Variants in PPP1R12B observed in about 807,000 individuals in gnomAD.
PPP1R12B encodes the protein protein phosphatase 1 regulatory subunit 12B.
PPP1R12B carries 76 observed loss-of-function variants against 126.1 expected under a neutral mutation model. The observed-to-expected ratio is 0.60, with a 90% CI of 0.50 to 0.73. The LOEUF is 0.73. PPP1R12B is among the 30% of genes least tolerant of loss of function. The pLI is 0.00. For missense variants in PPP1R12B, 1,052 were observed against 1,205.1 expected (o/e 0.87, Z 1.88); for synonymous variants, 356 against 434.7 (o/e 0.82, Z 2.25).
At chr1:202,525,767 G>A (rs1408798843) in intron 18 of PPP1R12B, among the ~76,000 whole-genome samples, 1 of 152,010 alleles carries the variant, frequency 6.6e-6, no homozygotes, top group African/African-American at 2.4e-5. Flanking sequence ...GTGCAATCTT[G>A]GCTTACTGCA....
chr1:202,417,801 A>G (rs550175282), intron 2 of PPP1R12B, among the ~76,000 whole-genome samples: 2 of 152,214 alleles, frequency 1.3e-5, no homozygotes, highest in Non-Finnish European at 2.9e-5. Flanking sequence ...TCTCCTGTCC[A>G]GGAAACAGCA....
intron 18 of PPP1R12B, among the ~76,000 whole-genome samples, chr1:202,553,538 C>G (rs1474315913): frequency 1.3e-5 from 2 of 152,142 alleles, no homozygotes. Flanking sequence ...ATGATATCAT[C>G]ATGTGCAGAT....
intron 1 of PPP1R12B, among the ~76,000 whole-genome samples, chr1:202,388,561 G>A (rs1326541960): frequency 6.6e-6 from 1 of 151,906 alleles, no homozygotes. Flanking sequence ...ATGAAAGAAG[G>A]CCTAAATAAG....
intron 1 of PPP1R12B, among the ~76,000 whole-genome samples, chr1:202,379,026 C>T (rs1228380314): frequency 1.3e-5 from 2 of 152,136 alleles, no homozygotes; most frequent in Non-Finnish European, 2.9e-5. Context: ...CTCCCATGGC[C>T]TCATCCCTCA....
At chr1:202,409,755 C>T (rs756687463) in intron 1 of PPP1R12B, among the ~76,000 whole-genome samples, 3 of 152,122 alleles carry the variant, frequency 2.0e-5, no homozygotes, top group Non-Finnish European at 4.4e-5. Context: ...CCTTGATCAC[C>T]TGGGCTCAAG....
chr1:202,575,431 G>C (rs1200007083), intron 23 of PPP1R12B: 1 of 356,180 alleles, frequency 2.8e-6, no homozygotes, highest in Non-Finnish European at 5.2e-6. Flanking sequence ...GTATGAATTT[G>C]TTCACTCAGC....
intron 1 of PPP1R12B, among the ~76,000 whole-genome samples, chr1:202,388,652 A>T (rs555201962): frequency 1.3e-3 from 195 of 152,310 alleles, no homozygotes; most frequent in Non-Finnish European, 2.2e-3. Flanking sequence ...TAACTACCTC[A>T]TAGAATTGTT....
chr1:202,520,294 A>G (rs2148913686), intron 18 of PPP1R12B, among the ~76,000 whole-genome samples: 1 of 152,350 alleles, frequency 6.6e-6, no homozygotes, highest in Admixed American at 6.5e-5. Context: ...GAACTAGAAC[A>G]TTTCTGAATT....
chr1:202,549,714 G>A (rs777076737), intron 18 of PPP1R12B, among the ~76,000 whole-genome samples: 23 of 152,152 alleles, frequency 1.5e-4, no homozygotes, highest in South Asian at 8.3e-4. Context: ...CACCGTGCCC[G>A]GCCAACTTTC....
intron 13 of PPP1R12B, among the ~76,000 whole-genome samples, chr1:202,463,915 GGT>G (rs995068866): frequency 5.9e-5 from 9 of 152,010 alleles, no homozygotes; most frequent in Admixed American, 3.3e-4. Flanking sequence ...TCTTCTTCCT[GGT>G]AATTGCGTCA....
chr1:202,416,962 T>G (rs1264575874), intron 2 of PPP1R12B, 45 bp downstream of exon 2: 1 of 1,570,452 alleles, frequency 6.4e-7, no homozygotes, highest in Admixed American at 1.8e-5. Context: ...TTTGTAGGAA[T>G]AGCCTTCATT....
At chr1:202,373,807 AAC>A (rs1338213833) in intron 1 of PPP1R12B, among the ~76,000 whole-genome samples, 2 of 152,186 alleles carry the variant, frequency 1.3e-5, no homozygotes, top group African/African-American at 4.8e-5. Flanking sequence ...TGCAAAATTT[AAC>A]ACACAGAAAA....
At chr1:202,571,928 C>G (rs1213418395) in intron 23 of PPP1R12B, among the ~76,000 whole-genome samples, 1 of 152,168 alleles carries the variant, frequency 6.6e-6, no homozygotes, top group Non-Finnish European at 1.5e-5. Context: ...CCAGCACCCC[C>G]TAGAGGACTA....
In PPP1R12B at chr1:202,440,750, G is replaced by A. The variant is rs1433192957; in HGVS notation, c.1503G>A (p.Lys501=). The A allele has an allele frequency of 1.2e-6, 2 of 1,614,010 alleles. No individual in the cohort carries two copies. Among genetic ancestry groups the A allele is most frequent in the Non-Finnish European group, 1.7e-6 (2 of 1,179,918 alleles). Residue 501 remains lysine, a synonymous_variant, in exon 11 of 24, where the codon AAG becomes AAA. Transcript: ENST00000608999. The part of the protein sequence containing the change: ...KSYISSLAPR[K]LNSTSDIEEK... ...ATATTAGTTCACTAGCACCCCGGAA[G>A]CTCAACAGCACAAGTGATATTGAAG...
At chr1:202,403,666 A>G (rs575689961) in intron 1 of PPP1R12B, among the ~76,000 whole-genome samples, 8 of 152,370 alleles carry the variant, frequency 5.3e-5, no homozygotes, top group African/African-American at 1.9e-4. Context: ...GGATTATTTA[A>G]TATGGAAAGG....
rs1358400939 is a variant in PPP1R12B, at chr1:202,586,208, TGCATAGAACA to T, written c.*5652_*5661del. 1 of 152,246 alleles carries T rather than the reference TGCATAGAACA, an allele frequency of 6.6e-6. No individual in the cohort carries two copies. The highest frequency in any genetic ancestry group is 2.4e-5 in the African/African-American group (1 of 41,434). 9.4% of individuals were successfully genotyped at this position (152,246 alleles called of 1,614,324 possible). Reference sequence around the variant, plus strand: ...AAACCCAGAGTCCACACAACCATATTGCATAGAACAGCACTTGGCTTTCACAAGCCTCCTA... The same window carrying T: ...AAACCCAGAGTCCACACAACCATATTGCACTTGGCTTTCACAAGCCTCCTA... On this transcript the variant is annotated 3_prime_UTR_variant, in exon 24 of 24. Coordinates refer to ENST00000608999, the MANE Select transcript of PPP1R12B (RefSeq NM_002481.4).
At chr1:202,445,485 A>G (rs1672111542) in intron 12 of PPP1R12B, among the ~76,000 whole-genome samples, 1 of 152,208 alleles carries the variant, frequency 6.6e-6, no homozygotes, top group Admixed American at 6.5e-5. Flanking sequence ...TTCATCCCTC[A>G]ACAACCTAAC....
rs531587036 is a variant in PPP1R12B, at chr1:202,397,805, A to G, written c.292-18982A>G. On this transcript the variant is annotated intron_variant, in intron 1 of 23. Coordinates refer to ENST00000608999, the MANE Select transcript of PPP1R12B (RefSeq NM_002481.4). ...GAATGTCCAAATTCAGCAATAATTA[A>G]ATACTATGCATGTAGCTATTTTCTG... 9.8e-5 allele frequency among the ~76,000 whole-genome samples: 15 copies of G among 152,360 alleles called. No homozygotes were observed. In the East Asian group the frequency reaches 2.1e-3, roughly 22 times the overall value.
At chr1:202,404,112 C>T (rs1251677117) in intron 1 of PPP1R12B, among the ~76,000 whole-genome samples, 2 of 152,148 alleles carry the variant, frequency 1.3e-5, no homozygotes, top group Non-Finnish European at 2.9e-5. Context: ...TAGTATCACT[C>T]TCTGGTTTAA....
Sources: gnomAD v4.1 joint callset for allele counts (sites outside exome capture counted in the v4.1 genomes callset) on GRCh38, gnomAD v4.1.1 for gene constraint, MANE v1.5 for transcripts, NCBI Gene and HGNC (gene_info 2026-07-23, HGNC 2026-07-21) for gene names.